The following PTPRD variants were observed in gnomAD, a reference collection of about 807,000 sequenced individuals.
PTPRD encodes the protein protein tyrosine phosphatase receptor type D, also known as receptor-type tyrosine-protein phosphatase delta.
PTPRD carries 34 observed loss-of-function variants against 214.5 expected under a neutral mutation model. The observed-to-expected ratio is 0.16, with a 90% CI of 0.12 to 0.21. The LOEUF is 0.21. Ranked by LOEUF, PTPRD falls within the 10% of genes least tolerant of loss-of-function variation. The pLI is 1.00. For synonymous variants in PTPRD, 1,128 were observed against 845.7 expected, an observed-to-expected ratio of 1.33 and a Z score of -5.79; for missense variants, 2,545 against 2,398.7, an observed-to-expected ratio of 1.06 and a Z score of -1.27.
intron 39 of PTPRD, among the ~76,000 whole-genome samples, chr9:8,367,675 A>T (rs1361907134): frequency 8.5e-5 from 13 of 152,108 alleles, no homozygotes; most frequent in South Asian, 2.1e-4. Flanking sequence ...CATGTTTTCT[A>T]CTCTTCTGAA....
intron 2 of PTPRD, among the ~76,000 whole-genome samples, chr9:10,579,656 A>G (rs1277139534): frequency 1.3e-5 from 2 of 152,134 alleles, no homozygotes. Flanking sequence ...TGGGTCAAAT[A>G]ATAGTTCTAA....
At chr9:8,335,918 C>T (rs1017659446) in intron 43 of PTPRD, among the ~76,000 whole-genome samples, 4 of 151,804 alleles carry the variant, frequency 2.6e-5, no homozygotes, top group Non-Finnish European at 5.9e-5. Context: ...ATGTGAAGGA[C>T]CTCTTCAAGG....
At chr9:9,929,417 A>G (rs1251957673) in intron 5 of PTPRD, among the ~76,000 whole-genome samples, 3 of 152,118 alleles carry the variant, frequency 2.0e-5, no homozygotes. Flanking sequence ...TTTGAGACAG[A>G]GTCTCACTAC....
intron 10 of PTPRD, among the ~76,000 whole-genome samples, chr9:9,025,986 T>A (rs56896326): frequency 0.016 from 2,422 of 151,742 alleles, 54 homozygotes; most frequent in African/African-American, 0.055. Context: ...AGGTAATAAA[T>A]GACAAAGAAA....
intron 3 of PTPRD, among the ~76,000 whole-genome samples, chr9:10,212,249 A>G (rs2099520774): frequency 6.6e-6 from 1 of 152,108 alleles, no homozygotes; most frequent in Non-Finnish European, 1.5e-5. Flanking sequence ...CAAAAGAAAG[A>G]GTAGGATGGA....
intron 7 of PTPRD, among the ~76,000 whole-genome samples, chr9:9,579,872 G>A (rs1041342745): frequency 2.6e-5 from 4 of 151,952 alleles, no homozygotes; most frequent in Non-Finnish European, 4.4e-5. Context: ...TACCCTCTGA[G>A]TTTCCATTGT....
intron 5 of PTPRD, among the ~76,000 whole-genome samples, chr9:9,885,207 G>A (rs1293729762): frequency 6.6e-6 from 1 of 151,942 alleles, no homozygotes; most frequent in African/African-American, 2.4e-5. Context: ...AATTAAAGAA[G>A]TATTAATATA....
intron 14 of PTPRD, among the ~76,000 whole-genome samples, chr9:8,619,251 C>T (rs115618603): frequency 1.6e-3 from 239 of 152,032 alleles, no homozygotes; most frequent in African/African-American, 5.5e-3. Context: ...GAATACAAAA[C>T]ATTATGAACT....
intron 3 of PTPRD, among the ~76,000 whole-genome samples, chr9:10,052,763 T>C (rs2097557349): frequency 6.6e-6 from 1 of 152,108 alleles, no homozygotes; most frequent in East Asian, 1.9e-4. Flanking sequence ...ATTCTTTCTT[T>C]CTTCAAAATG....
intron 2 of PTPRD, among the ~76,000 whole-genome samples, chr9:10,357,899 C>A (rs1159904776): frequency 6.6e-6 from 1 of 152,048 alleles, no homozygotes. Context: ...ATTATATAAA[C>A]AGAAATCAGA....
At chr9:9,943,394 A>AG (rs1285508321) in intron 4 of PTPRD, among the ~76,000 whole-genome samples, 1 of 152,154 alleles carries the variant, frequency 6.6e-6, no homozygotes, top group Non-Finnish European at 1.5e-5. Flanking sequence ...TCACAACGTC[A>AG]GGTCAGTAAG....
At chr9:8,916,404 A>G (rs1393371547) in intron 11 of PTPRD, among the ~76,000 whole-genome samples, 10 of 152,210 alleles carry the variant, frequency 6.6e-5, no homozygotes, top group Admixed American at 5.9e-4. Context: ...TAGTGGATAC[A>G]CTATGAGAAT....
intron 5 of PTPRD, among the ~76,000 whole-genome samples, chr9:9,793,987 C>T (rs2098984760): frequency 1.3e-5 from 2 of 151,908 alleles, no homozygotes; most frequent in South Asian, 4.1e-4. Flanking sequence ...AATAAAAAGA[C>T]TTAATCTGAT....
intron 4 of PTPRD, among the ~76,000 whole-genome samples, chr9:10,008,993 C>A (rs368667636): frequency 6.6e-6 from 1 of 151,072 alleles, no homozygotes; most frequent in South Asian, 2.1e-4. Flanking sequence ...CTTTTTTTCT[C>A]TGATTGCTTA....
In PTPRD at chr9:9,333,504, T is replaced by TTATA. The variant is rs3048057; in HGVS notation, c.-203+63941_-203+63944dup. ...TAAAACATATATATTATATAGTATA[T>TTATA]TATATATATATATATATATATAAAG... On this transcript the variant is annotated intron_variant, in intron 9 of 45. Coordinates refer to ENST00000381196, the MANE Select transcript of PTPRD (RefSeq NM_002839.4). Among the ~76,000 whole-genome samples, 268 of 137,230 alleles carry TTATA rather than the reference T, an allele frequency of 2.0e-3. 4 individuals are homozygous for TTATA. The highest frequency in any genetic ancestry group is 3.3e-3 in the African/African-American group (113 of 34,290). 90.0% of individuals were successfully genotyped at this position (137,230 alleles called of 152,430 possible). A position where few individuals can be genotyped will look rare whatever the true frequency, so the allele number is the denominator to read the frequency against.
At chr9:9,200,731 T>C (rs975457825) in intron 9 of PTPRD, among the ~76,000 whole-genome samples, 4 of 152,200 alleles carry the variant, frequency 2.6e-5, no homozygotes, top group African/African-American at 9.6e-5. Context: ...TATCAAGAAA[T>C]ACCCTGGATA....
At chr9:9,424,201 A>C (rs2079937756) in intron 8 of PTPRD, among the ~76,000 whole-genome samples, 1 of 152,226 alleles carries the variant, frequency 6.6e-6, no homozygotes, top group Non-Finnish European at 1.5e-5. Flanking sequence ...TTGCCACTTC[A>C]TCACAGTTTT....
chr9:10,581,691 A>AATTGGGTAAATC (rs1264055752), intron 2 of PTPRD, among the ~76,000 whole-genome samples: 4 of 152,298 alleles, frequency 2.6e-5, no homozygotes, highest in African/African-American at 7.2e-5. Flanking sequence ...TTGCTGTGTT[A>AATTGGGTAAATC]ATTGGGTAAA....
intron 3 of PTPRD, among the ~76,000 whole-genome samples, chr9:10,331,475 C>G (rs1738513083): frequency 6.6e-6 from 1 of 151,798 alleles, no homozygotes; most frequent in Admixed American, 6.6e-5. Context: ...TTCCCTGATT[C>G]ACAGTTTTTT....
Sources: allele counts gnomAD v4.1 joint callset (sites outside exome capture counted in the v4.1 genomes callset), GRCh38; gene constraint gnomAD v4.1.1; transcripts MANE v1.5; gene names NCBI Gene and HGNC (gene_info 2026-07-23, HGNC 2026-07-21).